GALNT13: variants seen among roughly 807,000 people sequenced by gnomAD.
GALNT13 encodes the protein polypeptide N-acetylgalactosaminyltransferase 13.
A neutral mutation model predicts 64.2 loss-of-function variants in GALNT13; 28 were observed. The observed-to-expected ratio is 0.44, with a 90% CI of 0.32 to 0.60. GALNT13 has a LOEUF of 0.60. GALNT13 is among the 20% of genes least tolerant of loss of function. GALNT13 has a pLI of 0.05. For synonymous variants in GALNT13, 214 were observed against 224.6 expected (o/e 0.95, Z 0.42); for missense variants, 577 against 669.8 (o/e 0.86, Z 1.53).
chr2:153,414,476 A>T, the GALNT13 span, among the ~76,000 whole-genome samples: 1 of 150,858 alleles, frequency 6.6e-6, no homozygotes, highest in South Asian at 2.1e-4. Context: ...CAGGATAAAA[A>T]GATTTTTTTT....
At chr2:153,734,355 G>A in the GALNT13 span, among the ~76,000 whole-genome samples, 1 of 152,172 alleles carries the variant, frequency 6.6e-6, no homozygotes, top group East Asian at 1.9e-4. Context: ...CAAAGAGGCA[G>A]TCACCTGAAT....
At chr2:153,268,544 C>A in the GALNT13 span, among the ~76,000 whole-genome samples, 1 of 152,170 alleles carries the variant, frequency 6.6e-6, no homozygotes, top group Admixed American at 6.5e-5. Context: ...ATCTACTATG[C>A]TGGGGTCTGG....
chr2:153,552,138 A>G, the GALNT13 span, among the ~76,000 whole-genome samples: 1 of 152,192 alleles, frequency 6.6e-6, no homozygotes, highest in Admixed American at 6.5e-5. Flanking sequence ...AGCAACATGC[A>G]GACTATTTGT....
chr2:154,449,931 C>T (rs1289516997), intron 12 of GALNT13, among the ~76,000 whole-genome samples: 1 of 151,944 alleles, frequency 6.6e-6, no homozygotes, highest in African/African-American at 2.4e-5. Flanking sequence ...GTCTTACAGT[C>T]ACAGATACTA....
intron 12 of GALNT13, chr2:154,445,864 G>C: frequency 2.3e-6 from 3 of 1,278,544 alleles, no homozygotes; most frequent in Non-Finnish European, 3.1e-6. Flanking sequence ...CATAGTCTGT[G>C]GCTTTCCTGG....
chr2:153,859,231 A>G, the GALNT13 span, among the ~76,000 whole-genome samples: 14 of 152,352 alleles, frequency 9.2e-5, no homozygotes, highest in Admixed American at 2.0e-4. Context: ...TCTAATTTTA[A>G]GAGAAACCAA....
chr2:154,444,384 A>G lies in GALNT13; in HGVS notation c.1530+5658A>G, dbSNP rs145231230. On this transcript the variant is annotated intron_variant, in intron 12 of 12. Transcript: ENST00000392825. Reference sequence around the variant, plus strand: ...AAATGAAAAAAAGTTTTTAAAAAACATAAATAAAAATCATTTTATGTGTGT... The same window carrying G: ...AAATGAAAAAAAGTTTTTAAAAAACGTAAATAAAAATCATTTTATGTGTGT... Among the ~76,000 whole-genome samples, 153 of 152,274 alleles carry G rather than the reference A, an allele frequency of 1.0e-3. 1 individual carries two copies. Among genetic ancestry groups the G allele is most frequent in the East Asian group, 8.3e-3 (43 of 5,186 alleles).
the GALNT13 span, among the ~76,000 whole-genome samples, chr2:153,362,260 A>G: frequency 1.3e-5 from 2 of 152,160 alleles, no homozygotes; most frequent in African/African-American, 2.4e-5. Flanking sequence ...CACCCACTGC[A>G]AAAACACACC....
upstream of GALNT13, among the ~76,000 whole-genome samples, chr2:153,868,147 C>T (rs562879533): frequency 8.5e-5 from 13 of 152,150 alleles, no homozygotes; most frequent in Non-Finnish European, 1.8e-4. Context: ...GAGCATTAGC[C>T]TTAGCTCACT....
chr2:153,980,680 A>G (rs899030190), intron 3 of GALNT13, among the ~76,000 whole-genome samples: 1 of 152,144 alleles, frequency 6.6e-6, no homozygotes, highest in African/African-American at 2.4e-5. Flanking sequence ...CTAAGGGGCA[A>G]CTTTAAAAAT....
chr2:153,379,561 G>T, the GALNT13 span, among the ~76,000 whole-genome samples: 1 of 152,142 alleles, frequency 6.6e-6, no homozygotes, highest in Admixed American at 6.6e-5. Flanking sequence ...CATTTACTCT[G>T]ATTAGGATTC....
At chr2:153,161,322 T>C in the GALNT13 span, among the ~76,000 whole-genome samples, 1 of 152,182 alleles carries the variant, frequency 6.6e-6, no homozygotes, top group Non-Finnish European at 1.5e-5. Flanking sequence ...ATTAACCGCA[T>C]GTCAGATACT....
At chr2:153,389,707 A>G in the GALNT13 span, among the ~76,000 whole-genome samples, 1 of 152,136 alleles carries the variant, frequency 6.6e-6, no homozygotes, top group Non-Finnish European at 1.5e-5. Flanking sequence ...ACTGGCTTGT[A>G]TAAACAGAAT....
Position 154,058,405 on chromosome 2 carries a change from A to G in GALNT13, c.143-81932A>G, listed in dbSNP as rs143309740. Among the ~76,000 whole-genome samples the G allele has an allele frequency of 3.9e-3, 592 of 152,364 alleles. 2 individuals are homozygous for G. Among genetic ancestry groups the G allele is most frequent in the African/African-American group, 0.014 (567 of 41,588 alleles). On this transcript the variant is annotated intron_variant, in intron 3 of 12. Coordinates refer to ENST00000392825, the MANE Select transcript of GALNT13 (RefSeq NM_052917.4). Reference sequence around the variant, plus strand: ...TAAGTGTAATACATAAATAAGGTTAATATAACAATTGCATTATTAACATAA... The same window carrying G: ...TAAGTGTAATACATAAATAAGGTTAGTATAACAATTGCATTATTAACATAA...
the GALNT13 span, among the ~76,000 whole-genome samples, chr2:153,589,391 G>A: frequency 2.9e-4 from 44 of 152,268 alleles, no homozygotes; most frequent in African/African-American, 9.4e-4. Context: ...TCTTTAGGGA[G>A]TTCCAAACTT....
At chr2:153,880,464 G>A (rs757802465) in intron 1 of GALNT13, among the ~76,000 whole-genome samples, 8 of 152,036 alleles carry the variant, frequency 5.3e-5, no homozygotes, top group Non-Finnish European at 8.8e-5. Context: ...TTCCACTTGT[G>A]TGGTTTAAAA....
intron 3 of GALNT13, among the ~76,000 whole-genome samples, chr2:154,003,860 C>G (rs946542429): frequency 6.6e-6 from 1 of 152,168 alleles, no homozygotes; most frequent in African/African-American, 2.4e-5. Context: ...GTGCCTGCTT[C>G]CTCTTCACCT....
the GALNT13 span, among the ~76,000 whole-genome samples, chr2:153,622,922 G>A: frequency 6.6e-6 from 1 of 152,074 alleles, no homozygotes; most frequent in African/African-American, 2.4e-5. Context: ...ATTTCTAGGT[G>A]AATTAACACA....
At chr2:153,258,062 G>A in the GALNT13 span, among the ~76,000 whole-genome samples, 1 of 152,164 alleles carries the variant, frequency 6.6e-6, no homozygotes, top group Non-Finnish European at 1.5e-5. Flanking sequence ...ATAGGTATTT[G>A]AGGGTACAAA....
Sources: gnomAD v4.1 joint callset for allele counts (sites outside exome capture counted in the v4.1 genomes callset) on GRCh38, gnomAD v4.1.1 for gene constraint, MANE v1.5 for transcripts, NCBI Gene and HGNC (gene_info 2026-07-23, HGNC 2026-07-21) for gene names.